The following LRP1B variants were observed in gnomAD, a reference collection of about 807,000 sequenced individuals.
LRP1B encodes low-density lipoprotein receptor-related protein 1B.
LRP1B carries 217 observed loss-of-function variants against 556.6 expected under a neutral mutation model. The observed-to-expected ratio is 0.39, with a 90% confidence interval of 0.35 to 0.44. LRP1B has a LOEUF of 0.44. Among genes scored for constraint, LRP1B ranks in the 20% least tolerant of loss-of-function variants. The pLI, the probability that LRP1B is intolerant of heterozygous loss-of-function variation, is 1.00. For missense variants in LRP1B, 5,053 were observed against 5,620.8 expected (o/e 0.90, Z 3.23); for synonymous variants, 2,047 against 1,865.8 (o/e 1.10, Z -2.50).
At position 140,409,336 on chromosome 2, in the gene LRP1B, G is replaced by GA. The variant is rs1261389907; in HGVS notation, c.10415-23328dup. On this transcript the variant is annotated intron_variant, in intron 66 of 90. Coordinates refer to ENST00000389484, the MANE Select transcript of LRP1B (RefSeq NM_018557.3). ...GCAGTGAAAAAGCAAATTTATCTTT[G>GA]AAAAAATATTGAAAAAGTATGTAAA... 3.3e-5 allele frequency among the ~76,000 whole-genome samples: 5 copies of GA among 151,724 alleles called. 1 individual carries two copies. The highest frequency in any genetic ancestry group is 1.2e-4 in the African/African-American group (5 of 41,338).
intron 2 of LRP1B, among the ~76,000 whole-genome samples, chr2:141,754,465 G>T (rs1338706012): frequency 6.6e-6 from 1 of 152,138 alleles, no homozygotes; most frequent in African/African-American, 2.4e-5. Flanking sequence ...AGACATTTAT[G>T]TATTTCTTAA....
chr2:140,545,685 G>A (rs1680306741), intron 43 of LRP1B, among the ~76,000 whole-genome samples: 1 of 151,982 alleles, frequency 6.6e-6, no homozygotes, highest in African/African-American at 2.4e-5. Context: ...GGTTACTGTA[G>A]CCCTGTAGTA....
At position 140,436,831 on chromosome 2, in the gene LRP1B, G is replaced by C. The variant is rs375188458; in HGVS notation, c.10414+5673C>G. ...TTGATATGGGATGGACCAAGACCTG[G>C]AAAGATAAGTGTCACACTCACCTGG... On this transcript the variant is annotated intron_variant, in intron 66 of 90. Transcript: ENST00000389484. 3.9e-5 allele frequency among the ~76,000 whole-genome samples: 6 copies of C among 152,198 alleles called. No homozygotes were observed. The East Asian group carries it at 5.8e-4, about 15-fold the overall frequency.
intron 23 of LRP1B, among the ~76,000 whole-genome samples, chr2:140,901,063 A>C (rs1694091028): frequency 1.3e-5 from 2 of 152,074 alleles, no homozygotes. Flanking sequence ...TTGTGAGTAC[A>C]TAGTAGGGGT....
Position 140,716,813 on chromosome 2 carries a change from T to G in LRP1B, c.5762A>C (p.Asn1921Thr). 1 of 1,581,768 alleles carries G rather than the reference T, an allele frequency of 6.3e-7. No homozygotes were observed. Among genetic ancestry groups the G allele is most frequent in the Non-Finnish European group, 8.6e-7 (1 of 1,160,066 alleles). ...CATGTCTGTCCAGTAGATGGTATCA[T>G]TTTCTATGGATAAGACACAGAAAAA... is the stretch of plus-strand genomic sequence containing the variant. ...FAVGIDFHAENDTIYWTDMGF... is the reference protein window; with the variant it reads ...FAVGIDFHAETDTIYWTDMGF... Residue 1921 changes from asparagine to threonine, a missense_variant, in exon 36 of 91, where the codon AAT becomes ACT. Asn to Thr is a moderately conservative substitution (Grantham distance 65). Coordinates refer to ENST00000389484, the MANE Select transcript of LRP1B (RefSeq NM_018557.3).
intron 7 of LRP1B, among the ~76,000 whole-genome samples, chr2:141,131,211 T>G (rs1701341727): frequency 6.6e-6 from 1 of 151,940 alleles, no homozygotes; most frequent in East Asian, 1.9e-4. Context: ...TTTCAGGACA[T>G]AACTCCATTG....
chr2:141,562,952 T>C (rs1686215216), intron 2 of LRP1B, among the ~76,000 whole-genome samples: 1 of 151,860 alleles, frequency 6.6e-6, no homozygotes, highest in Non-Finnish European at 1.5e-5. Flanking sequence ...TAAGAAACTA[T>C]GATAATACCA....
chr2:142,004,992 CTATATATTTAGTATTATAGATAT>C (rs1371501075), intron 1 of LRP1B, among the ~76,000 whole-genome samples: 37 of 148,206 alleles, frequency 2.5e-4, no homozygotes, highest in South Asian at 4.2e-4. Flanking sequence ...ATTATAGATA[CTATATATTTAGTATTATAGATAT>C]TATATATTTA....
intron 2 of LRP1B, among the ~76,000 whole-genome samples, chr2:141,741,801 A>T (rs1693717510): frequency 6.6e-6 from 1 of 152,028 alleles, no homozygotes; most frequent in African/African-American, 2.4e-5. Flanking sequence ...ACTTGATATG[A>T]TCTTCTTTGT....
chr2:141,450,159 G>C (rs1573958667), intron 3 of LRP1B, among the ~76,000 whole-genome samples: 2 of 152,256 alleles, frequency 1.3e-5, no homozygotes, highest in Middle Eastern at 6.8e-3. Context: ...GAGATAGGGA[G>C]ATAGAAAGAT....
intron 7 of LRP1B, among the ~76,000 whole-genome samples, chr2:141,085,705 C>T (rs1156460676): frequency 6.6e-6 from 1 of 152,138 alleles, no homozygotes; most frequent in African/African-American, 2.4e-5. Context: ...AATACATAAC[C>T]GTGTTACCAT....
intron 3 of LRP1B, among the ~76,000 whole-genome samples, chr2:141,327,831 A>AT (rs1687481210): frequency 6.6e-6 from 1 of 151,918 alleles, no homozygotes; most frequent in Non-Finnish European, 1.5e-5. Context: ...TCTTCTCTAG[A>AT]TGGAGCGATT....
chr2:141,454,676 C>A (rs1369302570), intron 3 of LRP1B, among the ~76,000 whole-genome samples: 1 of 82,414 alleles, frequency 1.2e-5, no homozygotes, highest in Non-Finnish European at 2.5e-5. Flanking sequence ...TGACATCATT[C>A]TCCTTCCACC....
intron 84 of LRP1B, among the ~76,000 whole-genome samples, chr2:140,294,073 G>T (rs969944793): frequency 3.3e-5 from 5 of 152,122 alleles, no homozygotes; most frequent in Admixed American, 6.5e-5. Context: ...TCTTTGGAAG[G>T]ATCCAAACTG....
At chr2:140,825,828 G>A (rs1691484246) in intron 31 of LRP1B, among the ~76,000 whole-genome samples, 1 of 152,122 alleles carries the variant, frequency 6.6e-6, no homozygotes, top group African/African-American at 2.4e-5. Flanking sequence ...ATAAACTACA[G>A]AAAGGTTTGT....
At chr2:141,099,307 C>T (rs995582613) in intron 7 of LRP1B, among the ~76,000 whole-genome samples, 2 of 151,988 alleles carry the variant, frequency 1.3e-5, no homozygotes, top group African/African-American at 4.8e-5. Context: ...ATAGATCAAG[C>T]AATTTAGACC....
intron 69 of LRP1B, among the ~76,000 whole-genome samples, chr2:140,371,870 AAC>A (rs1255243855): frequency 6.6e-6 from 1 of 152,054 alleles, no homozygotes; most frequent in East Asian, 1.9e-4. Flanking sequence ...ATGTGTAATT[AAC>A]AGAGTTAACA....
intron 2 of LRP1B, among the ~76,000 whole-genome samples, chr2:141,620,204 C>T (rs889192083): frequency 1.3e-5 from 2 of 152,226 alleles, no homozygotes; most frequent in African/African-American, 4.8e-5. Flanking sequence ...CTTCTCACTT[C>T]AGCCTGTTAC....
intron 2 of LRP1B, among the ~76,000 whole-genome samples, chr2:141,587,640 C>A (rs1384163751): frequency 6.6e-6 from 1 of 152,162 alleles, no homozygotes; most frequent in African/African-American, 2.4e-5. Flanking sequence ...CCTCCACATT[C>A]TTCTCCTTTC....
Sources: gnomAD v4.1 joint callset for allele counts (sites outside exome capture counted in the v4.1 genomes callset) on GRCh38, gnomAD v4.1.1 for gene constraint, MANE v1.5 for transcripts, NCBI Gene and HGNC (gene_info 2026-07-23, HGNC 2026-07-21) for gene names.